CACNA1B: variants seen among roughly 807,000 people sequenced by gnomAD.
CACNA1B encodes voltage-dependent N-type calcium channel subunit alpha-1B.
CACNA1B carries 70 observed loss-of-function variants against 247.2 expected under a neutral mutation model. The observed-to-expected ratio is 0.28, with a 90% CI of 0.23 to 0.35. The LOEUF is 0.35. Ranked by LOEUF, CACNA1B falls within the 10% of genes least tolerant of loss-of-function variation. The pLI, the probability that CACNA1B is intolerant of heterozygous loss-of-function variation, is 1.00. For synonymous variants in CACNA1B, 1,231 were observed against 1,294.4 expected (o/e 0.95, Z 1.05); for missense variants, 2,367 against 3,197.4 (o/e 0.74, Z 6.26).
At chr9:137,928,867 T>C (rs1957579786) in intron 6 of CACNA1B, among the ~76,000 whole-genome samples, 1 of 152,224 alleles carries the variant, frequency 6.6e-6, no homozygotes, top group Non-Finnish European at 1.5e-5. Flanking sequence ...TTTATATAAA[T>C]GGAATCATAC....
At chr9:137,960,878 T>C (rs776380064) in intron 10 of CACNA1B, among the ~76,000 whole-genome samples, 22 of 152,200 alleles carry the variant, frequency 1.4e-4, no homozygotes, top group Non-Finnish European at 2.8e-4. Flanking sequence ...TGTTTTGTTT[T>C]GTTTACTTTT....
chr9:137,936,412 A>AT (rs1389448465), intron 6 of CACNA1B, among the ~76,000 whole-genome samples: 2 of 151,926 alleles, frequency 1.3e-5, no homozygotes, highest in Non-Finnish European at 2.9e-5. Flanking sequence ...GATTGCAAAA[A>AT]TTTTCTCCCA....
Position 137,955,865 on chromosome 9 carries a change from T to G in CACNA1B, c.1186+52T>G. ...TCCTGGCCGGCCACTGTTAGTTCTC[T>G]GTCCCCAATTCTGCTCTGCTGCCAG... On this transcript the variant is annotated intron_variant, in intron 8 of 46. Transcript: ENST00000371372. This position sits in a 1 kb window ranked among gnomAD's most constrained non-coding sequence, Gnocchi z 6.9. The G allele has an allele frequency of 8.2e-7, 1 of 1,217,816 alleles. No homozygotes were observed. The highest frequency in any genetic ancestry group is 1.2e-6 in the Non-Finnish European group (1 of 841,006). The allele number at this position is 1,217,816 out of a possible 1,614,324, so 75.4% of individuals were successfully genotyped here.
At chr9:138,064,084 C>G (rs1448374148) in intron 31 of CACNA1B, among the ~76,000 whole-genome samples, 1 of 152,160 alleles carries the variant, frequency 6.6e-6, no homozygotes, top group African/African-American at 2.4e-5. Flanking sequence ...GTCCTGGCCC[C>G]TGCGCACACT....
In CACNA1B at chr9:138,094,482, A is replaced by G. The variant is rs151153339; in HGVS notation, c.5095-2002A>G. On this transcript the variant is annotated intron_variant, in intron 36 of 46. Transcript: ENST00000371372. ...AAAGAAGAAGAAGAAGAAAGTGAAC[A>G]CTCAAACTTCTCCCAAATATACAAG... Among the ~76,000 whole-genome samples the G allele has an allele frequency of 3.8e-4, 58 of 151,132 alleles. No homozygotes were observed. In the East Asian group the frequency reaches 0.011, roughly 27 times the overall value.
intron 31 of CACNA1B, among the ~76,000 whole-genome samples, chr9:138,062,602 G>T (rs1446219658): frequency 1.3e-5 from 2 of 152,196 alleles, no homozygotes; most frequent in Non-Finnish European, 2.9e-5. Context: ...TGCCACCAGG[G>T]CCAGGAAGTA....
intron 31 of CACNA1B, among the ~76,000 whole-genome samples, chr9:138,067,793 GT>G (rs1564269839): frequency 6.6e-6 from 1 of 152,226 alleles, no homozygotes; most frequent in African/African-American, 2.4e-5. Flanking sequence ...AGTTGGACAT[GT>G]GCATACAACT....
In CACNA1B at chr9:137,971,646, C is replaced by G; in HGVS notation, c.1543+54C>G. The G allele has an allele frequency of 6.8e-7, 1 of 1,466,376 alleles. No individual in the cohort carries two copies. Among genetic ancestry groups the G allele is most frequent in the Middle Eastern group, 2.2e-4 (1 of 4,648 alleles). 90.8% of individuals were successfully genotyped at this position (1,466,376 alleles called of 1,614,324 possible). ...CTTCCTGAGCATCTCTGCTCTCAGT[C>G]TGGAAACCCTGGTCCATGCCCTGGG... On this transcript the variant is annotated intron_variant, in intron 11 of 46. Transcript: ENST00000371372. The surrounding 1 kb of genome is among the most constrained non-coding windows in gnomAD (Gnocchi z 4.4).
chr9:138,059,605 A>G lies in CACNA1B; in HGVS notation c.4585-49A>G, dbSNP rs201654386. The G allele has an allele frequency of 2.8e-6, 3 of 1,079,578 alleles. No homozygotes were observed. The highest frequency in any genetic ancestry group is 1.4e-6 in the Non-Finnish European group (1 of 692,972). 66.9% of individuals were successfully genotyped at this position (1,079,578 alleles called of 1,614,324 possible). On this transcript the variant is annotated intron_variant, in intron 30 of 46. Coordinates refer to ENST00000371372, the MANE Select transcript of CACNA1B (RefSeq NM_000718.4). The surrounding 1 kb of genome is among the most constrained non-coding windows in gnomAD (Gnocchi z 4.2). ...ACCACCTATATATACCTCTTTGCCAACAGAGCCCTCATCAGCCGCTGGCAC... is the reference window on the plus strand; with the variant it reads ...ACCACCTATATATACCTCTTTGCCAGCAGAGCCCTCATCAGCCGCTGGCAC...
At chr9:137,972,755 C>T (rs1958168670) in intron 11 of CACNA1B, among the ~76,000 whole-genome samples, 1 of 152,200 alleles carries the variant, frequency 6.6e-6, no homozygotes, top group African/African-American at 2.4e-5. Flanking sequence ...CCAAACTTGA[C>T]ATTGAAATCT....
chr9:137,924,515 A>C (rs1957529087), intron 6 of CACNA1B, among the ~76,000 whole-genome samples: 1 of 152,172 alleles, frequency 6.6e-6, no homozygotes, highest in South Asian at 2.1e-4. Flanking sequence ...TTTCAGGTCC[A>C]CGTGTCTTTC....
intron 16 of CACNA1B, 89 bp downstream of exon 16, chr9:138,006,973 TA>T: frequency 1.4e-6 from 1 of 714,844 alleles, no homozygotes; most frequent in South Asian, 1.6e-5. Context: ...CCAGGAGGAC[TA>T]GGGGCCGTGG....
At position 137,990,924 on chromosome 9, in the gene CACNA1B, C is replaced by G. The variant is rs1183110936; in HGVS notation, c.1974+4070C>G. On this transcript the variant is annotated intron_variant, in intron 15 of 46. Transcript: ENST00000371372. The surrounding 1 kb of genome is among the most constrained non-coding windows in gnomAD (Gnocchi z 4.5). ...GGGGGAGAACACCACATCAAGGGAG[C>G]ACCCCCAAGATAAGAGAACAGCAGC... 6.6e-6 allele frequency among the ~76,000 whole-genome samples: 1 copy of G among 152,222 alleles called. No individual in the cohort carries two copies. Among genetic ancestry groups the G allele is most frequent in the African/African-American group, 2.4e-5 (1 of 41,460 alleles).
chr9:137,926,323 C>G (rs1340429334), intron 6 of CACNA1B, among the ~76,000 whole-genome samples: 2 of 152,196 alleles, frequency 1.3e-5, no homozygotes, highest in East Asian at 3.9e-4. Context: ...CTGCCTCAGC[C>G]TCCCAAAGTG....
intron 3 of CACNA1B, among the ~76,000 whole-genome samples, chr9:137,910,630 CA>C (rs1423444780): frequency 2.1e-4 from 32 of 152,212 alleles, no homozygotes; most frequent in South Asian, 2.1e-4. Context: ...AGTGACAGAT[CA>C]TCAGGCATAA....
chr9:137,893,650 CAAAA>C (rs530059391), intron 3 of CACNA1B, among the ~76,000 whole-genome samples: 1 of 91,754 alleles, frequency 1.1e-5, no homozygotes, highest in East Asian at 2.9e-4. Flanking sequence ...GACTCTGTCT[CAAAA>C]AAAAAAAAAT....
At chr9:137,933,485 A>G (rs1957630880) in intron 6 of CACNA1B, among the ~76,000 whole-genome samples, 1 of 152,230 alleles carries the variant, frequency 6.6e-6, no homozygotes, top group African/African-American at 2.4e-5. Context: ...ATGCAACTCC[A>G]GAAAGGTTGC....
chr9:138,099,716 C>A (rs1453376198), intron 37 of CACNA1B, among the ~76,000 whole-genome samples: 1 of 151,876 alleles, frequency 6.6e-6, no homozygotes, highest in Non-Finnish European at 1.5e-5. Context: ...GTGCACATGT[C>A]TGTGGTGTAC....
intron 36 of CACNA1B, among the ~76,000 whole-genome samples, chr9:138,094,442 TAAA>T (rs753995157): frequency 2.0e-4 from 19 of 93,696 alleles, no homozygotes; most frequent in South Asian, 7.5e-4. Flanking sequence ...TTTACTACAG[TAAA>T]AAAAAAAAAA....
Sources: gnomAD v4.1 joint callset for allele counts (sites outside exome capture counted in the v4.1 genomes callset) on GRCh38, gnomAD v4.1.1 for gene constraint, Gnocchi (gnomAD v3.1) non-coding constraint, MANE v1.5 for transcripts, NCBI Gene and HGNC (gene_info 2026-07-23, HGNC 2026-07-21) for gene names.